The following CEP57 variants were observed in gnomAD, a reference collection of about 807,000 sequenced individuals.
CEP57 encodes the protein centrosomal protein of 57 kDa.
Under a neutral mutation model 68.0 loss-of-function variants are expected in CEP57, and 40 were observed. That is an observed-to-expected ratio of 0.59 (90% CI 0.46 to 0.77). The LOEUF is 0.77. Ranked by LOEUF, CEP57 falls within the 30% of genes least tolerant of loss-of-function variation. The pLI is 0.00. For missense variants in CEP57, 606 were observed against 580.7 expected (o/e 1.04, Z -0.45); for synonymous variants, 219 against 198.7 (o/e 1.10, Z -0.86).
chr11:95,795,642 TA>T, intron 1 of CEP57: 1 of 492,704 alleles, frequency 2.0e-6, no homozygotes, highest in Non-Finnish European at 3.6e-6. Flanking sequence ...TCTTTTCTTG[TA>T]AAACTTCATA....
At chr11:95,815,747 G>A (rs776778905) in intron 4 of CEP57, among the ~76,000 whole-genome samples, 14 of 152,110 alleles carry the variant, frequency 9.2e-5, no homozygotes, top group African/African-American at 2.9e-4. Context: ...GCAGGAGTTC[G>A]AGACCAGCCG....
At chr11:95,815,146 C>A (rs1393940141) in intron 4 of CEP57, 2 of 152,184 alleles carry the variant, frequency 1.3e-5, no homozygotes, top group Non-Finnish European at 2.9e-5. Context: ...GCAAAACACA[C>A]AGATACAGAG....
chr11:95,829,034 T>C lies in CEP57; in HGVS notation c.1128-153T>C, dbSNP rs1175677762. Among the ~76,000 whole-genome samples the C allele has an allele frequency of 6.8e-5, 10 of 146,298 alleles. 1 individual carries two copies. The highest frequency in any genetic ancestry group is 6.8e-4 in the Admixed American group (10 of 14,796). ...TCCAGCCTGGGCGACAGAGCAAGAC[T>C]CCGTCTCAAAAAAAAAAAAAAAATT... On this transcript the variant is annotated intron_variant, in intron 9 of 10. Coordinates refer to ENST00000325542, the MANE Select transcript of CEP57 (RefSeq NM_014679.5).
At chr11:95,828,508 A>G (rs1267144890) in intron 9 of CEP57, among the ~76,000 whole-genome samples, 1 of 152,208 alleles carries the variant, frequency 6.6e-6, no homozygotes, top group Non-Finnish European at 1.5e-5. Flanking sequence ...ATATGATACT[A>G]AAGTCTTACG....
In CEP57 at chr11:95,804,493, C is replaced by G. The variant is rs560937321; in HGVS notation, c.202+5105C>G. 3.3e-5 allele frequency among the ~76,000 whole-genome samples: 5 copies of G among 152,254 alleles called. No individual in the cohort carries two copies. The South Asian group carries it at 6.2e-4, about 19-fold the overall frequency. On this transcript the variant is annotated intron_variant, in intron 2 of 10. Transcript: ENST00000325542. ...TGGGTAGCGACTGGAGAACAAAGCTCTAGGCGCCCCTGAGGCAACTTCTGG... is the reference window on the plus strand; with the variant it reads ...TGGGTAGCGACTGGAGAACAAAGCTGTAGGCGCCCCTGAGGCAACTTCTGG...
Position 95,802,886 on chromosome 11 carries a change from A to C in CEP57, c.202+3498A>C, listed in dbSNP as rs567911175. On this transcript the variant is annotated intron_variant, in intron 2 of 10. Coordinates refer to ENST00000325542, the MANE Select transcript of CEP57 (RefSeq NM_014679.5). Reference sequence around the variant, plus strand: ...TAATCAAGGATATGAGTATGTCCAGAGTAGTATTTTGTTCATGTAAATACT... The same window carrying C: ...TAATCAAGGATATGAGTATGTCCAGCGTAGTATTTTGTTCATGTAAATACT... Among the ~76,000 whole-genome samples, 321 of 152,328 alleles carry C rather than the reference A, an allele frequency of 2.1e-3. 1 individual carries two copies. The highest frequency in any genetic ancestry group is 6.8e-3 in the African/African-American group (283 of 41,566).
In CEP57 at chr11:95,831,088, T is replaced by C; in HGVS notation, c.1335T>C (p.Asp445=). The change falls in exon 11 of 11, where the codon GAT becomes GAC. Residue 445 remains aspartate (D), a synonymous_variant. Coordinates refer to ENST00000325542, the MANE Select transcript of CEP57 (RefSeq NM_014679.5). ...KELKATKKTL[D]EERNSSSRSG... is the part of the protein sequence containing the mutation. ...TAAAAGCTACCAAAAAGACTCTTGATGAAGAAAGAAACAGCAGCAGCCGTT... is the reference window on the plus strand; with the variant it reads ...TAAAAGCTACCAAAAAGACTCTTGACGAAGAAAGAAACAGCAGCAGCCGTT... 6.2e-7 allele frequency: 1 copy of C among 1,613,354 alleles called. No individual in the cohort carries two copies. The highest frequency in any genetic ancestry group is 1.3e-5 in the African/African-American group (1 of 74,950).
intron 2 of CEP57, among the ~76,000 whole-genome samples, chr11:95,808,389 G>GT (rs1266548178): frequency 3.3e-5 from 5 of 151,964 alleles, no homozygotes; most frequent in African/African-American, 1.2e-4. Context: ...AATGTAAACA[G>GT]GCTAAATGCT....
chr11:95,797,071 T>A (rs1473044226), intron 1 of CEP57, among the ~76,000 whole-genome samples: 1 of 152,074 alleles, frequency 6.6e-6, no homozygotes, highest in Non-Finnish European at 1.5e-5. Flanking sequence ...AGTAAATTAT[T>A]GTCCGCTGGT....
rs185652698 is a variant in CEP57 at position 95,830,885 on chromosome 11, T to C, written c.1273-141T>C. The C allele has an allele frequency of 3.0e-3, 1,800 of 595,100 alleles. 17 individuals are homozygous for C. The highest frequency in any genetic ancestry group is 0.013 in the South Asian group (656 of 51,474). 36.9% of individuals were successfully genotyped at this position (595,100 alleles called of 1,614,324 possible). A position where few individuals can be genotyped will look rare whatever the true frequency, so the allele number is the denominator to read the frequency against. On this transcript the variant is annotated intron_variant, in intron 10 of 10. Transcript: ENST00000325542. ...CTAGTGCAGTAGATTTTGAAGTCTT[T>C]AAAAGAAAGCCTAGAATGTATTATT...
chr11:95,820,801 A>G (rs1862490178), intron 6 of CEP57, among the ~76,000 whole-genome samples: 1 of 152,158 alleles, frequency 6.6e-6, no homozygotes, highest in Non-Finnish European at 1.5e-5. Flanking sequence ...TAGAGTAGTA[A>G]TTTCCTGTTC....
At chr11:95,829,086 A>AT in intron 9 of CEP57, 101 bp from the exon 10 acceptor site, 1 of 1,299,298 alleles carries the variant, frequency 7.7e-7, no homozygotes, top group Non-Finnish European at 1.1e-6. Flanking sequence ...AAATGGAGTC[A>AT]TTTTTTAAAC....
At chr11:95,805,021 C>T (rs1005414231) in intron 2 of CEP57, among the ~76,000 whole-genome samples, 1 of 152,114 alleles carries the variant, frequency 6.6e-6, no homozygotes, top group Non-Finnish European at 1.5e-5. Context: ...CCCAGCATAT[C>T]CTTGTGATAC....
chr11:95,810,685 A>G (rs1164153974), intron 2 of CEP57, among the ~76,000 whole-genome samples: 1 of 152,234 alleles, frequency 6.6e-6, no homozygotes, highest in Non-Finnish European at 1.5e-5. Context: ...CCACTGCTCA[A>G]TGAAATAAAA....
chr11:95,801,317 T>C (rs995882565), intron 2 of CEP57, among the ~76,000 whole-genome samples: 2 of 152,266 alleles, frequency 1.3e-5, no homozygotes, highest in South Asian at 4.1e-4. Context: ...TAAGATACTG[T>C]GTCTCGATGA....
At chr11:95,797,812 G>A (rs1158719373) in intron 1 of CEP57, among the ~76,000 whole-genome samples, 1 of 152,204 alleles carries the variant, frequency 6.6e-6, no homozygotes, top group Admixed American at 6.5e-5. Flanking sequence ...TAATCACATA[G>A]TTAATGGGAT....
chr11:95,822,796 G>A (rs1375203692), intron 8 of CEP57: 5 of 535,102 alleles, frequency 9.3e-6, no homozygotes, highest in Non-Finnish European at 1.7e-5. Flanking sequence ...AGTATATGTG[G>A]AAAGGAAGTG....
Position 95,831,075 on chromosome 11 carries a change from A to G in CEP57, c.1322A>G (p.Lys441Arg). 1.9e-6 allele frequency: 3 copies of G among 1,613,516 alleles called. No homozygotes were observed. Among genetic ancestry groups the G allele is most frequent in the Non-Finnish European group, 2.5e-6 (3 of 1,179,660 alleles). ...CAGAAGAAGGAATTAAAAGCTACCA[A>G]AAAGACTCTTGATGAAGAAAGAAAC... Reference protein sequence around the residue: ...EKQKKELKATKKTLDEERNSS... With the variant: ...EKQKKELKATRKTLDEERNSS... The change falls in exon 11 of 11, where the codon AAA becomes AGA. Residue 441 changes from lysine to arginine, a missense_variant. Lys to Arg is a conservative substitution (Grantham distance 26, BLOSUM62 2). Transcript: ENST00000325542.
At chr11:95,814,884 G>A (rs990828806) in intron 4 of CEP57, among the ~76,000 whole-genome samples, 2 of 152,098 alleles carry the variant, frequency 1.3e-5, no homozygotes, top group African/African-American at 4.8e-5. Flanking sequence ...TAAAATCCAT[G>A]GATGCTCAAG....
Sources: allele counts gnomAD v4.1 joint callset (sites outside exome capture counted in the v4.1 genomes callset), GRCh38; gene constraint gnomAD v4.1.1; transcripts MANE v1.5; gene names NCBI Gene and HGNC (gene_info 2026-07-23, HGNC 2026-07-21).